The following CA10 variants were observed in gnomAD, a reference collection of about 807,000 sequenced individuals.
The protein encoded by CA10 is carbonic anhydrase 10 (inactive), also known as carbonic anhydrase-related protein 10.
In CA10, 14 loss-of-function variants were observed where a neutral mutation model predicts 44.2. The observed-to-expected ratio is 0.32, with a 90% CI of 0.21 to 0.50. The LOEUF is 0.50. Ranked by LOEUF, CA10 falls within the 20% of genes least tolerant of loss-of-function variation. CA10 has a pLI of 0.99. For synonymous variants in CA10, 159 were observed against 141.6 expected, an observed-to-expected ratio of 1.12 and a Z score of -0.87; for missense variants, 350 against 409.7, an observed-to-expected ratio of 0.85 and a Z score of 1.26.
intron 4 of CA10, among the ~76,000 whole-genome samples, chr17:51,692,413 A>ATCTATCTATCTG (rs1257071137): frequency 6.4e-5 from 8 of 125,246 alleles, no homozygotes; most frequent in African/African-American, 1.6e-4. Flanking sequence ...CTATCTATCT[A>ATCTATCTATCTG]TCTATCTATC....
intron 3 of CA10, among the ~76,000 whole-genome samples, chr17:51,825,659 G>A (rs113361631): frequency 3.8e-4 from 58 of 152,174 alleles, no homozygotes; most frequent in African/African-American, 1.2e-3. Flanking sequence ...ACTTTTGCAC[G>A]TTTCTGTTTT....
intron 3 of CA10, among the ~76,000 whole-genome samples, chr17:51,755,224 G>T (rs1249344761): frequency 6.6e-6 from 1 of 152,186 alleles, no homozygotes; most frequent in Non-Finnish European, 1.5e-5. Flanking sequence ...TTATTTTGAT[G>T]TAAATCCCCT....
At position 52,157,712 on chromosome 17, in the gene CA10, G is replaced by A; in HGVS notation, c.61+14C>T. The A allele has an allele frequency of 6.2e-7, 1 of 1,612,904 alleles. No homozygotes were observed. The highest frequency in any genetic ancestry group is 2.2e-5 in the East Asian group (1 of 44,862). ...ATAATCCAAATCAGCCAGTGACTTC[G>A]GCGCGTCCCGTACCTGATATGCAGA... On this transcript the variant is annotated intron_variant, in intron 1 of 8. Coordinates refer to ENST00000451037, the MANE Select transcript of CA10 (RefSeq NM_020178.5).
At chr17:51,977,174 G>A (rs138461088) in intron 2 of CA10, among the ~76,000 whole-genome samples, 2 of 151,754 alleles carry the variant, frequency 1.3e-5, no homozygotes, top group Admixed American at 6.6e-5. Flanking sequence ...GGAAATCTTC[G>A]CATTTTATTT....
At chr17:51,754,350 TAAAG>T (rs1244095713) in intron 3 of CA10, among the ~76,000 whole-genome samples, 1 of 125,528 alleles carries the variant, frequency 8.0e-6, no homozygotes, top group African/African-American at 3.1e-5. Context: ...ACGGGTAAAA[TAAAG>T]AGACAACACA....
At chr17:52,122,090 G>A (rs771924195) in intron 1 of CA10, among the ~76,000 whole-genome samples, 1 of 152,158 alleles carries the variant, frequency 6.6e-6, no homozygotes, top group Admixed American at 6.5e-5. Context: ...TGGAGAGGGA[G>A]AAGAGTAAGA....
At chr17:51,884,305 A>G (rs116312838) in intron 3 of CA10, among the ~76,000 whole-genome samples, 32 of 152,258 alleles carry the variant, frequency 2.1e-4, no homozygotes, top group African/African-American at 6.3e-4. Context: ...GCAGCCCTAC[A>G]TAAGTTCCTC....
chr17:51,997,816 G>A (rs916769661), intron 2 of CA10, among the ~76,000 whole-genome samples: 2 of 152,046 alleles, frequency 1.3e-5, no homozygotes, highest in African/African-American at 4.8e-5. Context: ...TAAAAGAACA[G>A]GGCAATAGTT....
chr17:51,742,345 G>A (rs78379607), intron 4 of CA10, among the ~76,000 whole-genome samples: 2,840 of 152,236 alleles, frequency 0.019, 112 homozygotes, highest in African/African-American at 0.065. Context: ...CCAGGAGGTC[G>A]TGGCAGAGCA....
Position 51,630,409 on chromosome 17 carries a change from G to GTACTT in CA10, c.*1170_*1174dup, listed in dbSNP as rs1361003976. On this transcript the variant is annotated 3_prime_UTR_variant, in exon 9 of 9. Coordinates refer to ENST00000451037, the MANE Select transcript of CA10 (RefSeq NM_020178.5). ...ACAAGAAAAGAAAGGCATTCGTTTT[G>GTACTT]TACTTTGTGAGATCTGGCTGCACCT... 2.0e-5 allele frequency: 3 copies of GTACTT among 152,628 alleles called. No homozygotes were observed. The highest frequency in any genetic ancestry group is 1.3e-4 in the Admixed American group (2 of 15,278). 9.5% of individuals were successfully genotyped at this position (152,628 alleles called of 1,614,324 possible). A position where few individuals can be genotyped will look rare whatever the true frequency, so the allele number is the denominator to read the frequency against.
chr17:52,127,841 T>G (rs1989152823), intron 1 of CA10, among the ~76,000 whole-genome samples: 1 of 152,254 alleles, frequency 6.6e-6, no homozygotes. Context: ...AGATCTTTGA[T>G]AACAGATATC....
chr17:51,755,124 A>G (rs575594048), intron 3 of CA10, among the ~76,000 whole-genome samples: 2 of 152,340 alleles, frequency 1.3e-5, no homozygotes, highest in South Asian at 2.1e-4. Context: ...TGTACATCTG[A>G]ATGATAGAAC....
intron 4 of CA10, among the ~76,000 whole-genome samples, chr17:51,673,969 TCC>T (rs35906990): frequency 6.6e-6 from 1 of 151,834 alleles, no homozygotes; most frequent in Non-Finnish European, 1.5e-5. Context: ...AGAATGTCCT[TCC>T]CCCCCAGGTT....
chr17:51,906,650 C>T (rs1981568327), intron 3 of CA10, among the ~76,000 whole-genome samples: 1 of 152,080 alleles, frequency 6.6e-6, no homozygotes. Context: ...ATGTATTTTG[C>T]CTATTTGACA....
intron 1 of CA10, among the ~76,000 whole-genome samples, chr17:52,093,351 G>A (rs1345575542): frequency 1.3e-5 from 2 of 152,126 alleles, no homozygotes; most frequent in Non-Finnish European, 2.9e-5. Context: ...AATGCAATGT[G>A]TTTTCTTGCT....
chr17:52,148,727 TC>T (rs1989641849), intron 1 of CA10, among the ~76,000 whole-genome samples: 1 of 152,208 alleles, frequency 6.6e-6, no homozygotes, highest in South Asian at 2.1e-4. Context: ...TTGAGCATTT[TC>T]TAAATGCCAG....
At chr17:51,636,733 C>T (rs1912841861) in intron 6 of CA10, among the ~76,000 whole-genome samples, 2 of 151,368 alleles carry the variant, frequency 1.3e-5, no homozygotes, top group South Asian at 4.2e-4. Flanking sequence ...CAGGCCAAAT[C>T]CTACCATGAG....
intron 2 of CA10, among the ~76,000 whole-genome samples, chr17:52,053,445 T>C (rs1277770201): frequency 6.6e-6 from 1 of 152,060 alleles, no homozygotes; most frequent in African/African-American, 2.4e-5. Context: ...TCAATCAGTA[T>C]ACTTGCAAGA....
In CA10 at chr17:51,955,869, C is replaced by T. The variant is rs142025072; in HGVS notation, c.137-24737G>A. ...GGAGGGAGAGCATTAGGACAAATACCTAATGCATGCGGGGCTTAAAACCTA... is the reference window on the plus strand; with the variant it reads ...GGAGGGAGAGCATTAGGACAAATACTTAATGCATGCGGGGCTTAAAACCTA... On this transcript the variant is annotated intron_variant, in intron 2 of 8. Coordinates refer to ENST00000451037, the MANE Select transcript of CA10 (RefSeq NM_020178.5). 9.2e-5 allele frequency among the ~76,000 whole-genome samples: 14 copies of T among 151,900 alleles called. 1 individual carries two copies. The East Asian group carries it at 2.3e-3, about 25-fold the overall frequency.
Sources: gnomAD v4.1 joint callset for allele counts (sites outside exome capture counted in the v4.1 genomes callset) on GRCh38, gnomAD v4.1.1 for gene constraint, MANE v1.5 for transcripts, NCBI Gene and HGNC (gene_info 2026-07-23, HGNC 2026-07-21) for gene names.